Variants in GAD2 observed in about 807,000 individuals in gnomAD.
GAD2 encodes 65 kDa glutamic acid decarboxylase.
In GAD2, 22 loss-of-function variants were observed where a neutral mutation model predicts 80.1. The observed-to-expected ratio is 0.27, with a 90% confidence interval of 0.20 to 0.39. GAD2 has a LOEUF of 0.39. Among genes scored for constraint, GAD2 ranks in the 10% least tolerant of loss-of-function variants. The pLI is 1.00. For missense variants in GAD2, 624 were observed against 738.4 expected, an observed-to-expected ratio of 0.85 and a Z score of 1.80; for synonymous variants, 274 against 256.9, an observed-to-expected ratio of 1.07 and a Z score of -0.64.
chr10:26,234,646 C>T (rs1372893552), intron 7 of GAD2, among the ~76,000 whole-genome samples: 3 of 152,134 alleles, frequency 2.0e-5, no homozygotes, highest in African/African-American at 4.8e-5. Context: ...TACTTAATCT[C>T]GCTATGCCTC....
chr10:26,255,911 G>T (rs1204916203), intron 8 of GAD2, among the ~76,000 whole-genome samples: 1 of 151,596 alleles, frequency 6.6e-6, no homozygotes, highest in Non-Finnish European at 1.5e-5. Context: ...GGACTGGGGA[G>T]GGATGGGGAG....
rs1454143282 is a variant in GAD2 at position 26,304,355 on chromosome 10, C to T, written c.*3394C>T. The T allele has an allele frequency of 6.6e-6, 1 of 152,648 alleles. No homozygotes were observed. The highest frequency in any genetic ancestry group is 2.4e-5 in the African/African-American group (1 of 41,456). The allele number at this position is 152,648 out of a possible 1,614,324, so 9.5% of individuals were successfully genotyped here. ...GTATTTATTAGTTAGGTGTGCCAAACTACCGTTCCCAAATTGGTGTTTCTG... is the reference window on the plus strand; with the variant it reads ...GTATTTATTAGTTAGGTGTGCCAAATTACCGTTCCCAAATTGGTGTTTCTG... On this transcript the variant is annotated 3_prime_UTR_variant, in exon 16 of 16. Transcript: ENST00000376261.
chr10:26,217,987 A>C lies in GAD2; in HGVS notation c.282A>C (p.Ala94=), dbSNP rs534226231. The part of the protein sequence containing the change: ...KVDVNYAFLH[A]TDLLPACDGE... ...ATGTCAACTACGCGTTTCTCCATGC[A>C]ACAGGTAAAGACTCAGCGGGGAGCC... The change falls in exon 3 of 16, where the codon GCA becomes GCC. Residue 94 remains alanine, a synonymous_variant. Transcript: ENST00000376261. The surrounding 1 kb of genome is among the most constrained non-coding windows in gnomAD (Gnocchi z 4.9). 4.3e-6 allele frequency: 7 copies of C among 1,609,260 alleles called. No homozygotes were observed. The highest frequency in any genetic ancestry group is 1.1e-5 in the South Asian group (1 of 90,732).
rs1845070435 is a variant in GAD2, at chr10:26,266,101, T to C, written c.921-3018T>C. ...GAATCACCTGGGTGACTGATGAACA[T>C]GCAAATTCTTGTGCATATTTGTCTT... On this transcript the variant is annotated intron_variant, in intron 8 of 15. Transcript: ENST00000376261. Among the ~76,000 whole-genome samples the C allele has an allele frequency of 2.0e-5, 3 of 152,374 alleles. No homozygotes were observed. The South Asian group carries it at 6.2e-4, about 32-fold the overall frequency.
chr10:26,295,438 G>A (rs1201260375), intron 15 of GAD2, among the ~76,000 whole-genome samples: 1 of 150,736 alleles, frequency 6.6e-6, no homozygotes, highest in African/African-American at 2.4e-5. Context: ...AGACTTTCTG[G>A]AAAGTTCTTT....
intron 14 of GAD2, 151 bp from the exon 15 acceptor site, chr10:26,292,751 C>T: frequency 1.2e-6 from 1 of 853,838 alleles, no homozygotes; most frequent in Non-Finnish European, 1.9e-6. Flanking sequence ...GTCCATATAA[C>T]GTTGTCAAAA....
chr10:26,293,020 G>A (rs1160301265), intron 15 of GAD2, 29 bp downstream of exon 15: 2 of 1,538,390 alleles, frequency 1.3e-6, no homozygotes, highest in East Asian at 2.2e-5. Flanking sequence ...TCTGATACAT[G>A]TGTGTATTGA....
At chr10:26,223,601 T>A (rs1844480723) in intron 4 of GAD2, among the ~76,000 whole-genome samples, 1 of 151,858 alleles carries the variant, frequency 6.6e-6, no homozygotes, top group African/African-American at 2.4e-5. Flanking sequence ...ATTTATAGGG[T>A]CCGATTAAAG....
intron 15 of GAD2, among the ~76,000 whole-genome samples, chr10:26,300,467 G>A (rs185060541): frequency 2.6e-5 from 4 of 152,020 alleles, no homozygotes; most frequent in Admixed American, 1.3e-4. Flanking sequence ...GCCCCCAAAC[G>A]TCTTGCTAAC....
At chr10:26,216,716 GC>G, upstream of GAD2, 1 of 1,063,350 alleles carries the variant, frequency 9.4e-7, no homozygotes, top group Non-Finnish European at 1.3e-6. This position sits in a 1 kb window ranked among gnomAD's most constrained non-coding sequence, Gnocchi z 4.7. Flanking sequence ...CCCTCCTCCC[GC>G]CACACGGGCA....
chr10:26,270,666 C>T lies in GAD2; in HGVS notation c.1002C>T (p.Ala334=). The stretch of plus-strand genomic sequence containing the variant: ...GGTTTGTTCCTTTCCTCGTGAGTGC[C>T]ACAGCTGGAACCACCGTGTACGGAG... The part of the protein sequence containing the change: ...QKGFVPFLVS[A]TAGTTVYGAF... The change falls in exon 10 of 16, where the codon GCC becomes GCT. Residue 334 remains alanine, a synonymous_variant. Transcript: ENST00000376261. 1 of 1,613,912 alleles carries T rather than the reference C, an allele frequency of 6.2e-7. No individual in the cohort carries two copies. Among genetic ancestry groups the T allele is most frequent in the Non-Finnish European group, 8.5e-7 (1 of 1,179,866 alleles).
rs1844398210 is a variant in GAD2, at chr10:26,217,872, C to A, written c.167C>A (p.Ala56Glu). The change falls in exon 3 of 16, where the codon GCG becomes GAG. Residue 56 changes from alanine (A) to glutamate (E), a missense_variant. Transcript: ENST00000376261. The surrounding 1 kb of genome is among the most constrained non-coding windows in gnomAD (Gnocchi z 4.9). ...CTCTACGGAGACGCCGAGAAGCCGG[C>A]GGAGAGCGGCGGGAGCCAACCCCCG... Reference protein sequence around the residue: ...ALLYGDAEKPAESGGSQPPRA... With the variant: ...ALLYGDAEKPEESGGSQPPRA... 6.2e-7 allele frequency: 1 copy of A among 1,606,372 alleles called. No homozygotes were observed. Among genetic ancestry groups the A allele is most frequent in the Admixed American group, 1.7e-5 (1 of 59,224 alleles).
intron 7 of GAD2, among the ~76,000 whole-genome samples, chr10:26,241,193 T>C (rs1046991449): frequency 6.6e-6 from 1 of 152,262 alleles, no homozygotes; most frequent in East Asian, 1.9e-4. Flanking sequence ...TAGATTCTAT[T>C]ATCAAGGCTC....
intron 11 of GAD2, among the ~76,000 whole-genome samples, chr10:26,279,623 T>C (rs1305371660): frequency 6.6e-6 from 1 of 152,184 alleles, no homozygotes; most frequent in Non-Finnish European, 1.5e-5. Flanking sequence ...TATGACACAA[T>C]TGCTGAATCC....
chr10:26,283,859 G>A (rs745923579), intron 12 of GAD2, among the ~76,000 whole-genome samples: 1 of 152,206 alleles, frequency 6.6e-6, no homozygotes, highest in South Asian at 2.1e-4. Context: ...AGGACCTACC[G>A]ACTGGCAATT....
chr10:26,293,401 C>A (rs1033067079), intron 15 of GAD2, among the ~76,000 whole-genome samples: 1 of 152,066 alleles, frequency 6.6e-6, no homozygotes, highest in African/African-American at 2.4e-5. Flanking sequence ...TGGTCTCGAA[C>A]TCCTGACCTC....
chr10:26,221,564 G>A (rs543072410), intron 4 of GAD2, among the ~76,000 whole-genome samples: 2 of 152,364 alleles, frequency 1.3e-5, no homozygotes, highest in Admixed American at 6.5e-5. Flanking sequence ...TTAAGCGTCA[G>A]TAGATGAGGC....
chr10:26,228,874 T>C (rs1844562830), intron 6 of GAD2, among the ~76,000 whole-genome samples: 1 of 151,538 alleles, frequency 6.6e-6, no homozygotes, highest in Non-Finnish European at 1.5e-5. Context: ...GCCAAAAAGG[T>C]TGGAGACTGC....
chr10:26,239,292 C>T (rs534739490), intron 7 of GAD2, among the ~76,000 whole-genome samples: 7 of 152,152 alleles, frequency 4.6e-5, no homozygotes, highest in South Asian at 2.1e-4. Context: ...CTTCTTTCTT[C>T]CCTCTAGCAG....
Sources: gnomAD v4.1 joint callset for allele counts (sites outside exome capture counted in the v4.1 genomes callset) on GRCh38, gnomAD v4.1.1 for gene constraint, Gnocchi (gnomAD v3.1) non-coding constraint, MANE v1.5 for transcripts, NCBI Gene and HGNC (gene_info 2026-07-23, HGNC 2026-07-21) for gene names.